CDH13: variants seen among roughly 807,000 people sequenced by gnomAD.
CDH13 encodes the protein cadherin 13.
In CDH13, 24 loss-of-function variants were observed where a neutral mutation model predicts 63.8. That is an observed-to-expected ratio of 0.38 (90% confidence interval 0.27 to 0.53). The LOEUF is 0.53. Ranked by LOEUF, CDH13 falls within the 20% of genes least tolerant of loss-of-function variation. CDH13 has a pLI of 0.85. For missense variants in CDH13, 1,049 were observed against 903.1 expected (o/e 1.16, Z -2.07); for synonymous variants, 503 against 355.3 (o/e 1.42, Z -4.67).
intron 6 of CDH13, among the ~76,000 whole-genome samples, chr16:83,477,999 G>C (rs112172674): frequency 0.19 from 29,536 of 151,614 alleles, 2,900 homozygotes; most frequent in Middle Eastern, 0.28. Flanking sequence ...GACTAACATG[G>C]TGAAACCTCA....
At chr16:82,902,055 G>C (rs1459263534) in intron 2 of CDH13, among the ~76,000 whole-genome samples, 5 of 152,208 alleles carry the variant, frequency 3.3e-5, no homozygotes, top group Admixed American at 6.5e-5. Context: ...ACACAAGTCT[G>C]TCTCATTTCA....
intron 1 of CDH13, among the ~76,000 whole-genome samples, chr16:82,689,261 C>T (rs544508767): frequency 1.2e-3 from 179 of 151,954 alleles, no homozygotes; most frequent in Non-Finnish European, 2.1e-3. Flanking sequence ...GAAATGGGCC[C>T]ATACAGGTTC....
intron 10 of CDH13, among the ~76,000 whole-genome samples, chr16:83,747,756 C>T (rs1387503122): frequency 1.4e-5 from 2 of 147,970 alleles, no homozygotes; most frequent in African/African-American, 2.5e-5. Context: ...CACTAGTCCA[C>T]ATACGAGATA....
At chr16:83,013,076 G>A (rs192042789) in intron 2 of CDH13, among the ~76,000 whole-genome samples, 177 of 152,250 alleles carry the variant, frequency 1.2e-3, no homozygotes, top group Admixed American at 3.3e-3. Context: ...TGCAAAATGC[G>A]AGAAAAAATA....
rs563375693 is a variant in CDH13 at position 83,525,631 on chromosome 16, A to G, written c.960+38976A>G. 1.1e-4 allele frequency among the ~76,000 whole-genome samples: 16 copies of G among 152,298 alleles called. No homozygotes were observed. In the East Asian group the frequency reaches 2.3e-3, roughly 22 times the overall value. ...TAGTAGGCAAGATAATGGCCCTCCCAAAGGTGTCCATGCTTTAGTGCCCCA... is the reference window on the plus strand; with the variant it reads ...TAGTAGGCAAGATAATGGCCCTCCCGAAGGTGTCCATGCTTTAGTGCCCCA... On this transcript the variant is annotated intron_variant, in intron 7 of 13. Transcript: ENST00000567109.
At chr16:82,738,455 C>A (rs935099617) in intron 1 of CDH13, among the ~76,000 whole-genome samples, 1 of 152,214 alleles carries the variant, frequency 6.6e-6, no homozygotes, top group African/African-American at 2.4e-5. Flanking sequence ...ATTCACCTTT[C>A]AAATCTGTGC....
intron 1 of CDH13, among the ~76,000 whole-genome samples, chr16:82,836,320 C>G (rs970174249): frequency 5.3e-5 from 8 of 151,956 alleles, no homozygotes; most frequent in African/African-American, 1.9e-4. Context: ...AGTTATTTTT[C>G]TGTATTTTTA....
intron 5 of CDH13, among the ~76,000 whole-genome samples, chr16:83,298,616 G>A (rs1007470142): frequency 1.3e-5 from 2 of 152,154 alleles, no homozygotes; most frequent in Admixed American, 6.5e-5. Context: ...TGTTATTAGA[G>A]GTAACAAGTA....
intron 2 of CDH13, among the ~76,000 whole-genome samples, chr16:82,925,080 T>G (rs932101705): frequency 6.6e-6 from 1 of 152,192 alleles, no homozygotes; most frequent in Admixed American, 6.5e-5. Flanking sequence ...AAACTTTCCC[T>G]GCCATGAAAT....
At chr16:83,399,915 A>T (rs1420724598) in intron 6 of CDH13, among the ~76,000 whole-genome samples, 1 of 152,184 alleles carries the variant, frequency 6.6e-6, no homozygotes, top group African/African-American at 2.4e-5. Flanking sequence ...CTCAAGTTTA[A>T]ATATGTGATG....
At chr16:82,801,984 G>GAATGGT (rs763390618) in intron 1 of CDH13, among the ~76,000 whole-genome samples, 16 of 152,184 alleles carry the variant, frequency 1.1e-4, no homozygotes, top group Non-Finnish European at 2.4e-4. Flanking sequence ...CAGTGTGTGT[G>GAATGGT]AATGGTAATG....
At chr16:83,222,842 A>C (rs1242124727) in intron 5 of CDH13, among the ~76,000 whole-genome samples, 1 of 152,170 alleles carries the variant, frequency 6.6e-6, no homozygotes, top group African/African-American at 2.4e-5. Context: ...GGAAATACCC[A>C]CATATGAAAC....
chr16:82,970,287 C>G (rs1038654413), intron 2 of CDH13, among the ~76,000 whole-genome samples: 8 of 151,828 alleles, frequency 5.3e-5, no homozygotes, highest in Non-Finnish European at 1.0e-4. Flanking sequence ...CATAGTATTC[C>G]CTGGTATATA....
chr16:82,794,759 T>C (rs890444766), intron 1 of CDH13, among the ~76,000 whole-genome samples: 5 of 152,214 alleles, frequency 3.3e-5, no homozygotes, highest in African/African-American at 7.2e-5. Context: ...TGAGCTGTTA[T>C]AATGTTTTAT....
intron 3 of CDH13, among the ~76,000 whole-genome samples, chr16:83,065,877 C>CTAAA (rs1472184937): frequency 6.6e-6 from 1 of 152,128 alleles, no homozygotes; most frequent in Non-Finnish European, 1.5e-5. Flanking sequence ...AAAGCCTCTA[C>CTAAA]TAAACCATGC....
intron 7 of CDH13, among the ~76,000 whole-genome samples, chr16:83,596,817 G>A (rs772600072): frequency 3.3e-5 from 5 of 152,198 alleles, no homozygotes; most frequent in South Asian, 2.1e-4. Context: ...TTTCATTATC[G>A]GTTTTGGGGA....
chr16:83,207,962 C>G lies in CDH13; in HGVS notation c.484-9383C>G, dbSNP rs2039231216. ...AAATGACCACTAAAAGATGAAGGAT[C>G]TGGATGGTAGATTCAGATCCCCTCA... On this transcript the variant is annotated intron_variant, in intron 4 of 13. Coordinates refer to ENST00000567109, the MANE Select transcript of CDH13 (RefSeq NM_001257.5). Among the ~76,000 whole-genome samples the G allele has an allele frequency of 2.0e-5, 3 of 152,274 alleles. No homozygotes were observed. The South Asian group carries it at 6.2e-4, about 32-fold the overall frequency.
intron 6 of CDH13, among the ~76,000 whole-genome samples, chr16:83,482,903 C>T (rs2073804973): frequency 6.6e-6 from 1 of 152,202 alleles, no homozygotes; most frequent in African/African-American, 2.4e-5. Flanking sequence ...TAATCCTAGT[C>T]TCCTGTATCT....
chr16:83,488,004 G>C (rs139350701), intron 7 of CDH13, among the ~76,000 whole-genome samples: 53 of 152,294 alleles, frequency 3.5e-4, no homozygotes, highest in African/African-American at 1.2e-3. Flanking sequence ...GTGCTAATTA[G>C]GTTGTCATTT....
Sources: allele counts gnomAD v4.1 joint callset (sites outside exome capture counted in the v4.1 genomes callset), GRCh38; gene constraint gnomAD v4.1.1; transcripts MANE v1.5; gene names NCBI Gene and HGNC (gene_info 2026-07-23, HGNC 2026-07-21).